The following MEPCE variants were observed in gnomAD, a reference collection of about 807,000 sequenced individuals.
MEPCE encodes methylphosphate capping enzyme.
Under a neutral mutation model 52.3 loss-of-function variants are expected in MEPCE, and 9 were observed. The ratio of observed to expected loss-of-function variants is 0.17; its 90% CI spans 0.10 to 0.30. The LOEUF is 0.30. Among genes scored for constraint, MEPCE ranks in the 10% least tolerant of loss-of-function variants. The probability of loss-of-function intolerance (pLI) is 1.00; values close to 1 mark genes in which losing one functional copy is unlikely to be tolerated. For missense variants in MEPCE, 826 were observed against 933.0 expected (o/e 0.89, Z 1.49); for synonymous variants, 477 against 401.6 (o/e 1.19, Z -2.25).
chr7:100,433,330 C>T lies in MEPCE; in HGVS notation c.1958C>T (p.Ser653Phe). ...KPEQFSSYLT[S>F]PDVGFSSYEL... ...GAGCAGTTCAGTTCCTACCTGACATCCCCAGACGTGGGCTTCTCCAGCTAT... is the reference window on the plus strand; with the variant it reads ...GAGCAGTTCAGTTCCTACCTGACATTCCCAGACGTGGGCTTCTCCAGCTAT... Residue 653 changes from serine to phenylalanine, a missense_variant, in exon 3 of 4, where the codon TCC (serine) becomes TTC (phenylalanine). Ser to Phe is a radical substitution (Grantham distance 155). Around this residue, in one of 7 missense-constraint regions of MEPCE, gnomAD observed 82 missense variants for 121.4 expected, o/e 0.68. Coordinates refer to ENST00000310512, the MANE Select transcript of MEPCE (RefSeq NM_019606.6). 1 of 1,614,196 alleles carries T rather than the reference C, an allele frequency of 6.2e-7. No individual in the cohort carries two copies. Among genetic ancestry groups the T allele is most frequent in the Non-Finnish European group, 8.5e-7 (1 of 1,180,036 alleles).
chr7:100,433,787 C>T lies in MEPCE; in HGVS notation c.*233C>T. ...TCACCATCATCTTCCTCTCCCCCAG[C>T]CTCCCAGGCTGGATGGCATGGACTG... On this transcript the variant is annotated 3_prime_UTR_variant, in exon 4 of 4. Transcript: ENST00000310512. 1 of 580,890 alleles carries T rather than the reference C, an allele frequency of 1.7e-6. No individual in the cohort carries two copies. Among genetic ancestry groups the T allele is most frequent in the South Asian group, 2.2e-5 (1 of 46,370 alleles). The allele number at this position is 580,890 out of a possible 1,614,324, so 36.0% of individuals were successfully genotyped here. A position where few individuals can be genotyped will look rare whatever the true frequency, so the allele number is the denominator to read the frequency against.
At position 100,430,421 on chromosome 7, in the gene MEPCE, G is replaced by A; in HGVS notation, c.403G>A (p.Gly135Ser). ...CCCTGCTCCTCCTCGACCCCGCAATGGCTATCAGCCCCACCGGCCACCTGG... is the reference window on the plus strand; with the variant it reads ...CCCTGCTCCTCCTCGACCCCGCAATAGCTATCAGCCCCACCGGCCACCTGG... ...GPPAPPRPRNGYQPHRPPGGG... is the reference protein window; with the variant it reads ...GPPAPPRPRNSYQPHRPPGGG... The change falls in exon 1 of 4, where the codon GGC (glycine) becomes AGC (serine). Residue 135 changes from glycine (G) to serine (S), a missense_variant. Transcript: ENST00000310512. The A allele has an allele frequency of 6.4e-7, 1 of 1,552,342 alleles. No individual in the cohort carries two copies. Among genetic ancestry groups the A allele is most frequent in the Non-Finnish European group, 8.7e-7 (1 of 1,152,126 alleles).
In MEPCE at chr7:100,431,415, G is replaced by T; in HGVS notation, c.1397G>T (p.Gly466Val). 6.2e-7 allele frequency: 1 copy of T among 1,614,084 alleles called. No individual in the cohort carries two copies. The highest frequency in any genetic ancestry group is 8.5e-7 in the Non-Finnish European group (1 of 1,180,044). The change falls in exon 1 of 4, where the codon GGC becomes GTC. Residue 466 changes from glycine (G) to valine (V), a missense_variant. By Grantham distance (109) the Gly-to-Val change is moderately radical. This residue lies in a region of MEPCE where 107 missense variants were observed against 157.9 expected (regional missense o/e 0.68). Coordinates refer to ENST00000310512, the MANE Select transcript of MEPCE (RefSeq NM_019606.6). ...HLTLSIACKWGPSRMVGLDID... is the reference protein window; with the variant it reads ...HLTLSIACKWVPSRMVGLDID... The stretch of plus-strand genomic sequence containing the variant: ...ACCCTGAGCATTGCCTGCAAGTGGG[G>T]CCCGTCCCGCATGGTGGGCCTGGAT...
rs775167461 is a variant in MEPCE at position 100,430,776 on chromosome 7, C to T, written c.758C>T (p.Ala253Val). The T allele has an allele frequency of 3.8e-5, 62 of 1,613,756 alleles. No individual in the cohort carries two copies. The highest frequency in any genetic ancestry group is 4.9e-5 in the Non-Finnish European group (58 of 1,180,022). Residue 253 changes from alanine (A) to valine (V), a missense_variant, in exon 1 of 4, where the codon GCT becomes GTT. By Grantham distance (64) the Ala-to-Val change is moderately conservative. This residue lies in a region of MEPCE where 307 missense variants were observed against 292.1 expected (regional missense o/e 1.05). Coordinates refer to ENST00000310512, the MANE Select transcript of MEPCE (RefSeq NM_019606.6). Reference protein sequence around the residue: ...TCTDEGHVVLASPLKTGRKRH... With the variant: ...TCTDEGHVVLVSPLKTGRKRH... ...ACTGATGAGGGCCATGTAGTTCTTG[C>T]TTCGCCACTCAAGACTGGTCGGAAG...
intron 2 of MEPCE, 51 bp downstream of exon 2, chr7:100,433,188 G>A: frequency 3.7e-6 from 6 of 1,613,040 alleles, no homozygotes; most frequent in Middle Eastern, 3.3e-4. Flanking sequence ...GGCAAGAAAA[G>A]GCCCCGAGGT....
In MEPCE at chr7:100,433,982, T is replaced by C. The variant is rs1214897047; in HGVS notation, c.*428T>C. ...GACCATGGATAGAGGGACTGAGGGT[T>C]AGACGGGGAAGACTGGCAGGGAGGC... On this transcript the variant is annotated 3_prime_UTR_variant, in exon 4 of 4. Transcript: ENST00000310512. 22 of 176,576 alleles carry C rather than the reference T, an allele frequency of 1.2e-4. No homozygotes were observed. Among genetic ancestry groups the C allele is most frequent in the Non-Finnish European group, 2.4e-5 (2 of 82,800 alleles). 10.9% of individuals were successfully genotyped at this position (176,576 alleles called of 1,614,324 possible). A position where few individuals can be genotyped will look rare whatever the true frequency, so the allele number is the denominator to read the frequency against.
chr7:100,433,201 G>C, intron 2 of MEPCE, 62 bp from the exon 3 acceptor site: 1 of 1,613,354 alleles, frequency 6.2e-7, no homozygotes, highest in Non-Finnish European at 8.5e-7. Context: ...CCCGAGGTGG[G>C]CATCGCCCTT....
chr7:100,432,232 C>G (rs949545692), intron 1 of MEPCE, among the ~76,000 whole-genome samples: 2 of 152,172 alleles, frequency 1.3e-5, no homozygotes, highest in African/African-American at 4.8e-5. Flanking sequence ...AGATCCTCTC[C>G]ACATTGACCC....
intron 2 of MEPCE, 33 bp from the exon 3 acceptor site, chr7:100,433,230 C>T (rs1229243206): frequency 3.7e-6 from 6 of 1,613,890 alleles, no homozygotes; most frequent in Admixed American, 1.7e-5. Flanking sequence ...GAGGCGGCAG[C>T]GTGCTGAAGT....
At chr7:100,429,830 C>A, upstream of MEPCE, 1 of 435,154 alleles carries the variant, frequency 2.3e-6, no homozygotes, top group Non-Finnish European at 3.8e-6. Context: ...GTCTCGCGGG[C>A]CTCTTGTTTT....
chr7:100,434,051 GGA>G lies in MEPCE; in HGVS notation c.*501_*502del, dbSNP rs2131010558. The G allele has an allele frequency of 6.3e-6, 1 of 159,198 alleles. No individual in the cohort carries two copies. Among genetic ancestry groups the G allele is most frequent in the Admixed American group, 6.1e-5 (1 of 16,354 alleles). The allele number at this position is 159,198 out of a possible 1,614,324, so 9.9% of individuals were successfully genotyped here. A position where few individuals can be genotyped will look rare whatever the true frequency, so the allele number is the denominator to read the frequency against. ...TCCTTCCCTTTGCCCTCCCCCAGTGGGAGAGGGGGTTGGGTTTTCAATGTGAG... is the reference window on the plus strand; with the variant it reads ...TCCTTCCCTTTGCCCTCCCCCAGTGGGAGGGGGTTGGGTTTTCAATGTGAG... On this transcript the variant is annotated 3_prime_UTR_variant, in exon 4 of 4. Transcript: ENST00000310512.
Position 100,430,047 on chromosome 7 carries a change from C to A in MEPCE, c.29C>A (p.Pro10Gln). Residue 10 changes from proline to glutamine, a missense_variant, in exon 1 of 4, where the codon CCG becomes CAG. This residue lies in a region of MEPCE where 314 missense variants were observed against 277.7 expected (regional missense o/e 1.13). Coordinates refer to ENST00000310512, the MANE Select transcript of MEPCE (RefSeq NM_019606.6). MIEMAAEKEPFLVPAPPPPL... is the reference protein window; with the variant it reads MIEMAAEKEQFLVPAPPPPL... ...ATCGAGATGGCGGCGGAGAAGGAGC[C>A]GTTTCTGGTGCCGGCCCCGCCGCCG... 1 of 1,269,896 alleles carries A rather than the reference C, an allele frequency of 7.9e-7. No homozygotes were observed. Among genetic ancestry groups the A allele is most frequent in the Non-Finnish European group, 9.9e-7 (1 of 1,008,434 alleles). The allele number at this position is 1,269,896 out of a possible 1,614,324, so 78.7% of individuals were successfully genotyped here. A position where few individuals can be genotyped will look rare whatever the true frequency, so the allele number is the denominator to read the frequency against.
upstream of MEPCE, chr7:100,429,681 A>C: frequency 7.9e-6 from 2 of 251,736 alleles, no homozygotes; most frequent in Non-Finnish European, 1.5e-5. Context: ...TGCGCGCGCA[A>C]CCAGGGTGGT....
At chr7:100,431,928 C>CT (rs1405786142) in intron 1 of MEPCE, among the ~76,000 whole-genome samples, 1 of 152,152 alleles carries the variant, frequency 6.6e-6, no homozygotes, top group Non-Finnish European at 1.5e-5. Flanking sequence ...GAGGAGGACT[C>CT]TCTTTTTGCT....
chr7:100,430,386 A>G lies in MEPCE; in HGVS notation c.368A>G (p.Glu123Gly). The change falls in exon 1 of 4, where the codon GAG (glutamate) becomes GGG (glycine). Residue 123 changes from glutamate (E) to glycine (G), a missense_variant. By Grantham distance (98) the Glu-to-Gly change is moderately conservative (BLOSUM62 -2). This residue lies in a region of MEPCE where 314 missense variants were observed against 277.7 expected (regional missense o/e 1.13). Coordinates refer to ENST00000310512, the MANE Select transcript of MEPCE (RefSeq NM_019606.6). ...GAGCGCCGGGGAGGGGGCGGGACAG[A>G]GCTGGGTCCCCCTGCTCCTCCTCGA... is the stretch of plus-strand genomic sequence containing the variant. ...GEERRGGGGT[E>G]LGPPAPPRPR... 1.4e-5 allele frequency: 21 copies of G among 1,499,022 alleles called. No individual in the cohort carries two copies. The highest frequency in any genetic ancestry group is 1.9e-5 in the Non-Finnish European group (21 of 1,126,130). 92.9% of individuals were successfully genotyped at this position (1,499,022 alleles called of 1,614,324 possible). A position where few individuals can be genotyped will look rare whatever the true frequency, so the allele number is the denominator to read the frequency against.
At chr7:100,432,835 C>A in intron 1 of MEPCE, 84 bp from the exon 2 acceptor site, 2 of 1,224,484 alleles carry the variant, frequency 1.6e-6, no homozygotes, top group South Asian at 1.3e-5. Flanking sequence ...GGCCGCGGGA[C>A]TGTATCGGCC....
Position 100,430,046 on chromosome 7 carries a change from C to T in MEPCE, c.28C>T (p.Pro10Ser). 7.9e-7 allele frequency: 1 copy of T among 1,269,816 alleles called. No homozygotes were observed. Among genetic ancestry groups the T allele is most frequent in the Non-Finnish European group, 9.9e-7 (1 of 1,008,230 alleles). 78.7% of individuals were successfully genotyped at this position (1,269,816 alleles called of 1,614,324 possible). A position where few individuals can be genotyped will look rare whatever the true frequency, so the allele number is the denominator to read the frequency against. Residue 10 changes from proline (P) to serine (S), a missense_variant, in exon 1 of 4, where the codon CCG becomes TCG. By Grantham distance (74) the Pro-to-Ser change is moderately conservative (BLOSUM62 -1). Coordinates refer to ENST00000310512, the MANE Select transcript of MEPCE (RefSeq NM_019606.6). MIEMAAEKE[P>S]FLVPAPPPPL... ...GATCGAGATGGCGGCGGAGAAGGAG[C>T]CGTTTCTGGTGCCGGCCCCGCCGCC...
chr7:100,431,695 A>G lies in MEPCE; in HGVS notation c.1671+6A>G, dbSNP rs1461329352. 6.4e-7 allele frequency: 1 copy of G among 1,570,308 alleles called. No homozygotes were observed. The highest frequency in any genetic ancestry group is 8.6e-7 in the Non-Finnish European group (1 of 1,162,896). ...ACAATGTTGTCTTCGTCACGGTAAG[A>G]GGGTCCAGAGGCTCTTGGAATAGGG... On this transcript the variant is annotated splice_donor_region_variant and intron_variant, in intron 1 of 3. Coordinates refer to ENST00000310512, the MANE Select transcript of MEPCE (RefSeq NM_019606.6).
At position 100,429,876 on chromosome 7, in the gene MEPCE, GGC is replaced by G. The variant is rs1798520981; in HGVS notation, c.-140_-139del. The G allele has an allele frequency of 1.5e-6, 1 of 663,496 alleles. No homozygotes were observed. The highest frequency in any genetic ancestry group is 2.1e-6 in the Non-Finnish European group (1 of 469,196). The allele number at this position is 663,496 out of a possible 1,614,324, so 41.1% of individuals were successfully genotyped here. Reference sequence around the variant, plus strand: ...GCTAGTAGGGCGCACTTGGCGGGGAGGCGCTTGGGCGCGAGACTAGGCGTGAA... The same window carrying G: ...GCTAGTAGGGCGCACTTGGCGGGGAGGCTTGGGCGCGAGACTAGGCGTGAA... On this transcript the variant is annotated 5_prime_UTR_variant, in exon 1 of 4. Coordinates refer to ENST00000310512, the MANE Select transcript of MEPCE (RefSeq NM_019606.6).
Sources: allele counts gnomAD v4.1 joint callset (sites outside exome capture counted in the v4.1 genomes callset), GRCh38; gene constraint gnomAD v4.1.1; regional missense constraint gnomAD v4.1.1; transcripts MANE v1.5; gene names NCBI Gene and HGNC (gene_info 2026-07-23, HGNC 2026-07-21).